Variants in PTPRD observed in about 807,000 individuals in gnomAD.
PTPRD encodes the protein receptor-type tyrosine-protein phosphatase delta.
Under a neutral mutation model 214.5 loss-of-function variants are expected in PTPRD, and 34 were observed. That is an observed-to-expected ratio of 0.16 (90% CI 0.12 to 0.21). The LOEUF (loss-of-function observed/expected upper bound fraction) is 0.21, where lower values mean the gene tolerates loss of function less well. Ranked by LOEUF, PTPRD falls within the 10% of genes least tolerant of loss-of-function variation. PTPRD has a pLI of 1.00. For missense variants in PTPRD, 2,545 were observed against 2,398.7 expected, an observed-to-expected ratio of 1.06 and a Z score of -1.27; for synonymous variants, 1,128 against 845.7, an observed-to-expected ratio of 1.33 and a Z score of -5.79.
chr9:9,254,370 T>G (rs1051338817), intron 9 of PTPRD, among the ~76,000 whole-genome samples: 1 of 152,094 alleles, frequency 6.6e-6, no homozygotes, highest in African/African-American at 2.4e-5. Flanking sequence ...TGGGTTACAT[T>G]TGAGACTGCT....
At chr9:10,095,593 G>C (rs1026023176) in intron 3 of PTPRD, among the ~76,000 whole-genome samples, 5 of 151,410 alleles carry the variant, frequency 3.3e-5, no homozygotes, top group African/African-American at 1.2e-4. Flanking sequence ...CATGATATTT[G>C]ATAAAATAAT....
Position 8,504,290 on chromosome 9 carries a change from G to A in PTPRD, c.1793C>T (p.Ala598Val), listed in dbSNP as rs777712879. Residue 598 changes from alanine to valine, a missense_variant, in exon 23 of 46, where the codon GCA becomes GTA. By Grantham distance (64) the Ala-to-Val change is moderately conservative (BLOSUM62 0). Coordinates refer to ENST00000381196, the MANE Select transcript of PTPRD (RefSeq NM_002839.4). The stretch of plus-strand genomic sequence containing the variant: ...CTGCATGGTTCTAGCTGATATTTCT[G>A]CAGTAGAAGCACCCAGGCCTTGAGG... The part of the protein sequence containing the change: ...RSPQGLGAST[A>V]EISARTMQSK... 1.9e-6 allele frequency: 3 copies of A among 1,614,164 alleles called. No homozygotes were observed. Among genetic ancestry groups the A allele is most frequent in the Non-Finnish European group, 2.5e-6 (3 of 1,179,984 alleles).
intron 2 of PTPRD, among the ~76,000 whole-genome samples, chr9:10,507,831 A>G (rs1205534878): frequency 6.6e-6 from 1 of 152,190 alleles, no homozygotes; most frequent in African/African-American, 2.4e-5. Context: ...TGTTAGACCT[A>G]AAACCATAAA....
chr9:10,336,077 T>A (rs938447931), intron 3 of PTPRD, among the ~76,000 whole-genome samples: 3 of 151,778 alleles, frequency 2.0e-5, no homozygotes, highest in African/African-American at 7.2e-5. Context: ...ATCCAGCAAT[T>A]GTGCTCCTTG....
intron 3 of PTPRD, among the ~76,000 whole-genome samples, chr9:10,050,419 G>A (rs966821073): frequency 6.6e-6 from 1 of 151,260 alleles, no homozygotes; most frequent in Admixed American, 6.6e-5. Context: ...AACTAGCCAG[G>A]CGTGGTGGCG....
At chr9:9,310,456 G>T (rs1369539305) in intron 9 of PTPRD, among the ~76,000 whole-genome samples, 2 of 152,076 alleles carry the variant, frequency 1.3e-5, no homozygotes, top group African/African-American at 2.4e-5. Flanking sequence ...CAAGTGAAAG[G>T]TGCTGAAGGT....
At chr9:10,478,440 A>G (rs1271547750) in intron 2 of PTPRD, among the ~76,000 whole-genome samples, 1 of 152,088 alleles carries the variant, frequency 6.6e-6, no homozygotes, top group Non-Finnish European at 1.5e-5. Flanking sequence ...ACTACTTAGC[A>G]TTTCCCAGTG....
chr9:9,434,887 A>G (rs1159541108), intron 8 of PTPRD, among the ~76,000 whole-genome samples: 2 of 148,574 alleles, frequency 1.3e-5, no homozygotes, highest in Admixed American at 1.3e-4. Flanking sequence ...GTTATATATT[A>G]TATAATATTC....
intron 4 of PTPRD, among the ~76,000 whole-genome samples, chr9:9,997,446 T>G (rs868676064): frequency 2.0e-5 from 3 of 152,052 alleles, no homozygotes; most frequent in African/African-American, 7.2e-5. Context: ...TGTGCCATGA[T>G]GCCCAGCTAA....
intron 9 of PTPRD, among the ~76,000 whole-genome samples, chr9:9,334,642 T>G (rs1425605823): frequency 6.6e-6 from 1 of 152,032 alleles, no homozygotes; most frequent in Non-Finnish European, 1.5e-5. Context: ...ATAAAATGGA[T>G]CTAATCATGT....
intron 2 of PTPRD, among the ~76,000 whole-genome samples, chr9:10,435,239 T>G (rs1229549823): frequency 1.3e-5 from 2 of 151,824 alleles, no homozygotes; most frequent in Non-Finnish European, 2.9e-5. Flanking sequence ...GTGCTAACAG[T>G]GCAAATGAAC....
intron 9 of PTPRD, among the ~76,000 whole-genome samples, chr9:9,326,299 GA>G (rs1377899827): frequency 3.3e-5 from 5 of 152,052 alleles, no homozygotes; most frequent in Admixed American, 2.6e-4. Flanking sequence ...GGATAATAGA[GA>G]ATAAGAATGT....
At chr9:9,469,320 A>G (rs144826077) in intron 8 of PTPRD, among the ~76,000 whole-genome samples, 2 of 152,236 alleles carry the variant, frequency 1.3e-5, no homozygotes, top group East Asian at 3.9e-4. Context: ...CTCATTTAGA[A>G]ATAATCTGAA....
intron 8 of PTPRD, among the ~76,000 whole-genome samples, chr9:9,455,906 C>T (rs923779727): frequency 2.3e-4 from 35 of 151,652 alleles, no homozygotes; most frequent in African/African-American, 8.0e-4. Context: ...ATTGATTAAG[C>T]TGAAGGTTGT....
intron 5 of PTPRD, among the ~76,000 whole-genome samples, chr9:9,777,996 C>A (rs2098812018): frequency 6.6e-6 from 1 of 152,178 alleles, no homozygotes; most frequent in Non-Finnish European, 1.5e-5. Context: ...AGGACTAGCA[C>A]TAGCTGTGAT....
chr9:10,077,101 T>C (rs1023484123), intron 3 of PTPRD, among the ~76,000 whole-genome samples: 1 of 152,160 alleles, frequency 6.6e-6, no homozygotes, highest in African/African-American at 2.4e-5. Flanking sequence ...AACTTCACGT[T>C]CATTTTATTT....
intron 3 of PTPRD, among the ~76,000 whole-genome samples, chr9:10,114,924 T>A (rs561296956): frequency 6.6e-6 from 1 of 152,050 alleles, no homozygotes; most frequent in East Asian, 1.9e-4. Context: ...TTCTAAGGAA[T>A]TATAGTGGTC....
In PTPRD at chr9:9,413,141, T is replaced by C. The variant is rs796679262; in HGVS notation, c.-236-15659A>G. 3.0e-3 allele frequency among the ~76,000 whole-genome samples: 332 copies of C among 109,582 alleles called. 1 individual carries two copies. The highest frequency in any genetic ancestry group is 0.011 in the African/African-American group (316 of 28,314). The allele number at this position is 109,582 out of a possible 152,430, so 71.9% of individuals were successfully genotyped here. A position where few individuals can be genotyped will look rare whatever the true frequency, so the allele number is the denominator to read the frequency against. ...TTTTTTTTTTGAGACGGAGTCTCGC[T>C]CTGTCGCCCAGGCCGGACTGCGGAC... On this transcript the variant is annotated intron_variant, in intron 8 of 45. Coordinates refer to ENST00000381196, the MANE Select transcript of PTPRD (RefSeq NM_002839.4).
At chr9:10,116,586 T>C (rs2098732786) in intron 3 of PTPRD, among the ~76,000 whole-genome samples, 3 of 152,130 alleles carry the variant, frequency 2.0e-5, no homozygotes, top group Admixed American at 2.0e-4. Context: ...TAGATTACTT[T>C]GTACTCCCTA....
Sources: allele counts gnomAD v4.1 joint callset (sites outside exome capture counted in the v4.1 genomes callset), GRCh38; gene constraint gnomAD v4.1.1; transcripts MANE v1.5; gene names NCBI Gene and HGNC (gene_info 2026-07-23, HGNC 2026-07-21).